ANO6: variants seen among roughly 807,000 people sequenced by gnomAD.
ANO6 encodes the protein anoctamin 6.
In ANO6, 106 loss-of-function variants were observed where a neutral mutation model predicts 117.5. The ratio of observed to expected loss-of-function variants is 0.90; its 90% CI spans 0.77 to 1.06. ANO6 has a LOEUF of 1.06. Ranked by LOEUF, ANO6 falls within the 50% of genes least tolerant of loss-of-function variation. ANO6 has a pLI of 0.00. For synonymous variants in ANO6, 367 were observed against 385.1 expected (o/e 0.95, Z 0.55); for missense variants, 955 against 1,121.1 (o/e 0.85, Z 2.12).
intron 9 of ANO6, among the ~76,000 whole-genome samples, chr12:45,370,087 C>G (rs920782704): frequency 2.0e-5 from 3 of 152,230 alleles, no homozygotes; most frequent in Non-Finnish European, 4.4e-5. Flanking sequence ...AAGCAGTATG[C>G]TGATTCAGAC....
At chr12:45,315,469 T>C (rs1939993742) in intron 2 of ANO6, among the ~76,000 whole-genome samples, 1 of 151,942 alleles carries the variant, frequency 6.6e-6, no homozygotes, top group Non-Finnish European at 1.5e-5. Flanking sequence ...TAGTCTTACA[T>C]TGACCATTTC....
chr12:45,367,303 A>G (rs1941711158), intron 8 of ANO6, among the ~76,000 whole-genome samples: 1 of 152,126 alleles, frequency 6.6e-6, no homozygotes, highest in African/African-American at 2.4e-5. Context: ...TATTAATTCT[A>G]ATAATTTATC....
rs1943654555 is a variant in ANO6, at chr12:45,432,326, TAATA to T, written c.*3019_*3022del. The T allele has an allele frequency of 1.1e-6, 1 of 873,672 alleles. No homozygotes were observed. The highest frequency in any genetic ancestry group is 1.8e-5 in the African/African-American group (1 of 54,812). The allele number at this position is 873,672 out of a possible 1,614,324, so 54.1% of individuals were successfully genotyped here. A position where few individuals can be genotyped will look rare whatever the true frequency, so the allele number is the denominator to read the frequency against. On this transcript the variant is annotated 3_prime_UTR_variant, in exon 20 of 20. Transcript: ENST00000320560. Reference sequence around the variant, plus strand: ...TATTCTTTTATAATTATGAGCATTTTAATAAATTCATTTTTACAAACAATAGTAT... The same window carrying T: ...TATTCTTTTATAATTATGAGCATTTTAATTCATTTTTACAAACAATAGTAT...
chr12:45,339,639 C>T (rs12579771), intron 3 of ANO6, among the ~76,000 whole-genome samples: 29,197 of 151,972 alleles, frequency 0.19, 3,331 homozygotes, highest in South Asian at 0.46. Context: ...TCAGATCAGT[C>T]CACTAACATT....
intron 9 of ANO6, among the ~76,000 whole-genome samples, chr12:45,374,802 G>C (rs1941956396): frequency 6.6e-6 from 1 of 152,146 alleles, no homozygotes; most frequent in African/African-American, 2.4e-5. Flanking sequence ...ACAAGACAGG[G>C]ATGCCCTGTC....
downstream of ANO6, among the ~76,000 whole-genome samples, chr12:45,433,287 CTT>C (rs1416310318): frequency 1.3e-5 from 2 of 152,224 alleles, no homozygotes; most frequent in South Asian, 2.1e-4. Flanking sequence ...GGCTGACTCC[CTT>C]TGCTATAGCA....
In ANO6 at chr12:45,420,165, G is replaced by A. The variant is rs994740283; in HGVS notation, c.2218-906G>A. ...CAAATCAGGTCATGGTTTGACTTGT[G>A]TAAACAAGTCATAATACTATACAGG... On this transcript the variant is annotated intron_variant, in intron 17 of 19. Coordinates refer to ENST00000320560, the MANE Select transcript of ANO6 (RefSeq NM_001025356.3). Among the ~76,000 whole-genome samples, 62 of 152,132 alleles carry A rather than the reference G, an allele frequency of 4.1e-4. 1 individual carries two copies. The highest frequency in any genetic ancestry group is 6.8e-3 in the Middle Eastern group (2 of 294).
chr12:45,412,436 C>G (rs1330516114), intron 16 of ANO6, among the ~76,000 whole-genome samples: 1 of 152,220 alleles, frequency 6.6e-6, no homozygotes. Context: ...CAATGACCTT[C>G]ATATATGATT....
intron 1 of ANO6, chr12:45,270,428 C>T (rs1288506542): frequency 9.2e-6 from 14 of 1,522,112 alleles, no homozygotes; most frequent in South Asian, 1.2e-5. Context: ...TTATATTGGC[C>T]TGTTGTATTT....
At chr12:45,422,809 A>C (rs181344205) in intron 18 of ANO6, 148 bp from the exon 19 acceptor site, 2 of 700,282 alleles carry the variant, frequency 2.9e-6, no homozygotes, top group South Asian at 3.1e-5. Context: ...CCTGGCCTCA[A>C]GTGATCCACA....
chr12:45,278,085 C>G (rs1411066116), intron 1 of ANO6, among the ~76,000 whole-genome samples: 1 of 152,000 alleles, frequency 6.6e-6, no homozygotes, highest in Non-Finnish European at 1.5e-5. Context: ...CCCTCCACCT[C>G]GTAGCTAAGA....
At chr12:45,266,026 G>C (rs926034622) in intron 1 of ANO6, among the ~76,000 whole-genome samples, 18 of 152,284 alleles carry the variant, frequency 1.2e-4, no homozygotes, top group African/African-American at 4.1e-4. Flanking sequence ...TCTAATCCCA[G>C]ATTGGCTTAG....
At position 45,402,028 on chromosome 12, in the gene ANO6, C is replaced by T; in HGVS notation, c.1612+8C>T. The T allele has an allele frequency of 6.2e-7, 1 of 1,606,418 alleles. No individual in the cohort carries two copies. Among genetic ancestry groups the T allele is most frequent in the Non-Finnish European group, 8.5e-7 (1 of 1,173,878 alleles). ...TTATGATTACTAACTTCGGTAAGGT[C>T]CTACTATAGCTTAGGTAACTTCTGA... On this transcript the variant is annotated splice_region_variant and intron_variant, in intron 13 of 19. Transcript: ENST00000320560.
At chr12:45,270,236 T>C (rs977420629) in intron 1 of ANO6, among the ~76,000 whole-genome samples, 2 of 152,200 alleles carry the variant, frequency 1.3e-5, no homozygotes, top group African/African-American at 4.8e-5. Context: ...TTTTAGAAGG[T>C]GCTCAGGTGA....
At chr12:45,226,745 T>G (rs1042229945) in intron 1 of ANO6, among the ~76,000 whole-genome samples, 2 of 152,042 alleles carry the variant, frequency 1.3e-5, no homozygotes, top group African/African-American at 2.4e-5. Flanking sequence ...TTTTTCTGAT[T>G]TGTACTAAAT....
At chr12:45,330,906 T>G (rs1275301333) in intron 2 of ANO6, among the ~76,000 whole-genome samples, 1 of 152,000 alleles carries the variant, frequency 6.6e-6, no homozygotes, top group Non-Finnish European at 1.5e-5. Flanking sequence ...TCATCAACAG[T>G]GCTTTGTCTT....
At chr12:45,302,947 A>G (rs183251446) in intron 2 of ANO6, among the ~76,000 whole-genome samples, 49 of 152,282 alleles carry the variant, frequency 3.2e-4, no homozygotes, top group African/African-American at 1.2e-3. Flanking sequence ...GTGATATACA[A>G]TCACCACTCC....
intron 1 of ANO6, among the ~76,000 whole-genome samples, chr12:45,235,967 C>T (rs1947638873): frequency 6.6e-6 from 1 of 152,194 alleles, no homozygotes; most frequent in Non-Finnish European, 1.5e-5. Flanking sequence ...TTCCGGGATC[C>T]TGGCTGGATC....
At chr12:45,413,050 T>C (rs1943125957) in intron 16 of ANO6, among the ~76,000 whole-genome samples, 1 of 152,118 alleles carries the variant, frequency 6.6e-6, no homozygotes, top group African/African-American at 2.4e-5. Context: ...TCATGATGGG[T>C]CTGGTGTGCT....
Sources: allele counts gnomAD v4.1 joint callset (sites outside exome capture counted in the v4.1 genomes callset), GRCh38; gene constraint gnomAD v4.1.1; transcripts MANE v1.5; gene names NCBI Gene and HGNC (gene_info 2026-07-23, HGNC 2026-07-21).